FLYWCH1: variants seen among roughly 807,000 people sequenced by gnomAD.
FLYWCH1 encodes FLYWCH-type zinc finger 1, also known as FLYWCH-type zinc finger-containing protein 1.
FLYWCH1 carries 75 observed loss-of-function variants against 66.4 expected under a neutral mutation model. That is an observed-to-expected ratio of 1.13 (90% CI 0.94 to 1.37). The LOEUF (loss-of-function observed/expected upper bound fraction) is 1.37. FLYWCH1 is among the 40% of genes most tolerant of loss of function. The probability of loss-of-function intolerance (pLI) is 0.00; values close to 1 mark genes in which losing one functional copy is unlikely to be tolerated. For synonymous variants in FLYWCH1, 595 were observed against 429.9 expected (o/e 1.38, Z -4.75); for missense variants, 1,334 against 1,001.8 (o/e 1.33, Z -4.48).
intron 2 of FLYWCH1, among the ~76,000 whole-genome samples, chr16:2,920,327 T>A (rs1023469548): frequency 1.4e-4 from 21 of 151,896 alleles, no homozygotes; most frequent in Admixed American, 7.9e-4. Flanking sequence ...CTGGCCAAAA[T>A]GGTGAAACTC....
intron 6 of FLYWCH1, chr16:2,936,345 T>C: frequency 2.2e-6 from 1 of 455,524 alleles, no homozygotes; most frequent in South Asian, 1.6e-5. Flanking sequence ...CCTGTGCTGC[T>C]GTGCCCCTCA....
chr16:2,944,234 A>G (rs2071388039), intron 9 of FLYWCH1, among the ~76,000 whole-genome samples: 2 of 150,662 alleles, frequency 1.3e-5, no homozygotes, highest in Admixed American at 6.6e-5. Flanking sequence ...TAAAAATACA[A>G]TAGCCAGGCT....
At chr16:2,922,840 A>C (rs1319213156) in intron 2 of FLYWCH1, 3 of 523,966 alleles carry the variant, frequency 5.7e-6, no homozygotes, top group African/African-American at 3.8e-5. Context: ...CAGTGAAGAC[A>C]AGTGTGTTGT....
intron 4 of FLYWCH1, among the ~76,000 whole-genome samples, chr16:2,931,383 G>A (rs2070758124): frequency 6.6e-6 from 1 of 151,802 alleles, no homozygotes; most frequent in Admixed American, 6.6e-5. Flanking sequence ...TAGCACTTTG[G>A]GAGGCTGGGG....
chr16:2,930,536 C>T lies in FLYWCH1; in HGVS notation c.452C>T (p.Ala151Val), dbSNP rs747417934. 1.3e-6 allele frequency: 2 copies of T among 1,545,866 alleles called. No homozygotes were observed. Among genetic ancestry groups the T allele is most frequent in the Non-Finnish European group, 1.7e-6 (2 of 1,150,576 alleles). The change falls in exon 4 of 10, where the codon GCT (alanine) becomes GTT (valine). Residue 151 changes from alanine to valine, a missense_variant. Transcript: ENST00000253928. ...DKVYWKCRQH[A>V]ELGCRGRAIT... ...GTGTACTGGAAGTGCCGCCAACATG[C>T]TGAGCTGGGCTGCCGGGGCCGGGCC... is the stretch of plus-strand genomic sequence containing the variant.
chr16:2,927,655 A>C (rs79087063), intron 2 of FLYWCH1, among the ~76,000 whole-genome samples: 1 of 152,266 alleles, frequency 6.6e-6, no homozygotes, highest in Non-Finnish European at 1.5e-5. Flanking sequence ...CGTCTAAAAA[A>C]GAATTCCCCG....
intron 2 of FLYWCH1, among the ~76,000 whole-genome samples, chr16:2,927,820 A>G (rs1353289703): frequency 6.6e-6 from 1 of 152,188 alleles, no homozygotes; most frequent in Non-Finnish European, 1.5e-5. Flanking sequence ...AGACACAGAG[A>G]CAAAGTATAT....
intron 2 of FLYWCH1, chr16:2,915,322 G>A (rs1039233097): frequency 6.6e-6 from 1 of 151,966 alleles, no homozygotes; most frequent in Non-Finnish European, 1.5e-5. Flanking sequence ...ATTTTTAGTA[G>A]AGACAGGGTT....
rs2070865991 is a variant in FLYWCH1, at chr16:2,933,596, C to T, written c.1249+14C>T. On this transcript the variant is annotated intron_variant, in intron 5 of 9. Coordinates refer to ENST00000253928, the MANE Select transcript of FLYWCH1 (RefSeq NM_001308068.2). Reference sequence around the variant, plus strand: ...ACGCAGACCCGGGTGAGCTGCCTTCCTTTGGGGCTCACCGGCCCTGCCTTG... The same window carrying T: ...ACGCAGACCCGGGTGAGCTGCCTTCTTTTGGGGCTCACCGGCCCTGCCTTG... 3 of 1,575,634 alleles carry T rather than the reference C, an allele frequency of 1.9e-6. No individual in the cohort carries two copies. The South Asian group carries it at 3.5e-5, about 19-fold the overall frequency.
At position 2,916,853 on chromosome 16, in the gene FLYWCH1, C is replaced by T. The variant is rs150028047; in HGVS notation, c.-74+2564C>T. Among the ~76,000 whole-genome samples the T allele has an allele frequency of 3.2e-3, 489 of 151,354 alleles. 3 individuals carry two copies. The highest frequency in any genetic ancestry group is 0.01 in the African/African-American group (418 of 41,232). ...GTTAAATTGCTAATACTTTCAAAAA[C>T]GAGGAAATCGGCCAGGCATGGTGGC... On this transcript the variant is annotated intron_variant, in intron 2 of 9. Transcript: ENST00000253928.
intron 6 of FLYWCH1, chr16:2,935,914 C>CT (rs531179302): frequency 0.078 from 11,232 of 143,496 alleles, 488 homozygotes; most frequent in Middle Eastern, 0.12. Flanking sequence ...ATGAGGGCGT[C>CT]TTTTTTTTTT....
chr16:2,929,855 C>G lies in FLYWCH1; in HGVS notation c.170C>G (p.Ser57Cys). 6.2e-7 allele frequency: 1 copy of G among 1,613,938 alleles called. No individual in the cohort carries two copies. The highest frequency in any genetic ancestry group is 1.1e-5 in the South Asian group (1 of 91,084). The change falls in exon 3 of 10, where the codon TCC becomes TGC. Residue 57 changes from serine to cysteine, a missense_variant. Coordinates refer to ENST00000253928, the MANE Select transcript of FLYWCH1 (RefSeq NM_001308068.2). ...GACCAAGATGAGGATGGGGTGGGAT[C>G]CAAGCCCCAGGAAGTGCACTGCGTC... ...ASDQDEDGVG[S>C]KPQEVHCVLS... is the part of the protein sequence containing the mutation.
At chr16:2,921,051 C>T (rs1382202528) in intron 2 of FLYWCH1, among the ~76,000 whole-genome samples, 1 of 151,528 alleles carries the variant, frequency 6.6e-6, no homozygotes, top group Non-Finnish European at 1.5e-5. Flanking sequence ...CTGTGTTAGC[C>T]CGGATGGTCT....
At chr16:2,941,804 C>T (rs548948349) in intron 9 of FLYWCH1, among the ~76,000 whole-genome samples, 66 of 151,874 alleles carry the variant, frequency 4.3e-4, no homozygotes, top group African/African-American at 1.4e-3. Context: ...AGGTAGATCA[C>T]GAGACCACGG....
In FLYWCH1 at chr16:2,934,105, G is replaced by C. The variant is rs1239484254; in HGVS notation, c.1513+126G>C. The stretch of plus-strand genomic sequence containing the variant: ...TTCCCTTCTTTGAACATCCTAGAAG[G>C]AACTATGGCCCTGGCCTCCTACTCC... On this transcript the variant is annotated intron_variant, in intron 6 of 9. Coordinates refer to ENST00000253928, the MANE Select transcript of FLYWCH1 (RefSeq NM_001308068.2). The C allele has an allele frequency of 2.5e-6, 3 of 1,213,422 alleles. No individual in the cohort carries two copies. In the African/African-American group the frequency reaches 4.6e-5, roughly 19 times the overall value. 75.2% of individuals were successfully genotyped at this position (1,213,422 alleles called of 1,614,324 possible).
chr16:2,943,838 G>C (rs1345458045), intron 9 of FLYWCH1, among the ~76,000 whole-genome samples: 3 of 152,138 alleles, frequency 2.0e-5, no homozygotes, highest in African/African-American at 4.8e-5. Context: ...TTGGAAGGCT[G>C]AGGCAGGAGA....
At chr16:2,936,342 TGCTGTGCC>T in intron 6 of FLYWCH1, 1 of 455,174 alleles carries the variant, frequency 2.2e-6, no homozygotes, top group Non-Finnish European at 4.4e-6. Context: ...GCTCCTGTGC[TGCTGTGCC>T]CCTCAGGGTC....
chr16:2,927,944 G>T lies in FLYWCH1; in HGVS notation c.-73-1669G>T, dbSNP rs147451049. Among the ~76,000 whole-genome samples the T allele has an allele frequency of 2.4e-3, 361 of 152,362 alleles. 1 individual carries two copies. Among genetic ancestry groups the T allele is most frequent in the African/African-American group, 7.9e-3 (330 of 41,576 alleles). ...ACTATTTTTACTATCTTGGCAAGGGGAGTGTGGCAGGGCAACAGGGTGATG... is the reference window on the plus strand; with the variant it reads ...ACTATTTTTACTATCTTGGCAAGGGTAGTGTGGCAGGGCAACAGGGTGATG... On this transcript the variant is annotated intron_variant, in intron 2 of 9. Coordinates refer to ENST00000253928, the MANE Select transcript of FLYWCH1 (RefSeq NM_001308068.2).
chr16:2,912,788 G>T (rs1234982657), intron 1 of FLYWCH1, among the ~76,000 whole-genome samples: 3 of 152,198 alleles, frequency 2.0e-5, no homozygotes, highest in Admixed American at 1.3e-4. Context: ...GTCTGACGTA[G>T]TTGAAACCCT....
Sources: allele counts gnomAD v4.1 joint callset (sites outside exome capture counted in the v4.1 genomes callset), GRCh38; gene constraint gnomAD v4.1.1; transcripts MANE v1.5; gene names NCBI Gene and HGNC (gene_info 2026-07-23, HGNC 2026-07-21).